Variants in PROSER1 observed in about 807,000 individuals in gnomAD.
The protein encoded by PROSER1 is proline and serine rich 1, also known as proline and serine-rich protein 1.
PROSER1 carries 36 observed loss-of-function variants against 71.8 expected under a neutral mutation model. The observed-to-expected ratio is 0.50, with a 90% CI of 0.38 to 0.66. The LOEUF is 0.66. PROSER1 is among the 30% of genes least tolerant of loss of function. The probability of loss-of-function intolerance (pLI) is 0.00; values close to 1 mark genes in which losing one functional copy is unlikely to be tolerated. For missense variants in PROSER1, 1,107 were observed against 1,135.0 expected (o/e 0.98, Z 0.35); for synonymous variants, 490 against 452.4 (o/e 1.08, Z -1.06).
chr13:39,014,080 C>T lies in PROSER1; in HGVS notation c.1172G>A (p.Gly391Asp), dbSNP rs750497100. ...TPGPTPRSTL[G>D]SSEAFASTSA... ...AGTAGAAGCAAATGCTTCACTGGAA[C>T]CAAGAGTGGACCGTGGTGTAGGTCC... The change falls in exon 11 of 13, where the codon GGT becomes GAT. Residue 391 changes from glycine to aspartate, a missense_variant. Transcript: ENST00000352251. 4 of 1,614,006 alleles carry T rather than the reference C, an allele frequency of 2.5e-6. No homozygotes were observed. In the Admixed American group the frequency reaches 6.7e-5, roughly 27 times the overall value.
At position 39,011,936 on chromosome 13, in the gene PROSER1, GAAGT is replaced by G. The variant is rs1869679731; in HGVS notation, c.2712+143_2712+146del. ...CAAGCAAAATTTGCAAATTTGGAGA[GAAGT>G]AATCATCATCAAATCTCTATGCATT... On this transcript the variant is annotated intron_variant, in intron 12 of 12. Coordinates refer to ENST00000352251, the MANE Select transcript of PROSER1 (RefSeq NM_025138.5). The G allele has an allele frequency of 4.8e-6, 4 of 836,496 alleles. No individual in the cohort carries two copies. In the South Asian group the frequency reaches 5.9e-5, roughly 12 times the overall value. The allele number at this position is 836,496 out of a possible 1,614,324, so 51.8% of individuals were successfully genotyped here.
intron 2 of PROSER1, among the ~76,000 whole-genome samples, chr13:39,032,570 A>G (rs1358505710): frequency 2.0e-5 from 3 of 152,192 alleles, no homozygotes; most frequent in African/African-American, 7.2e-5. Context: ...GTATGTAAAG[A>G]GAGTAAAAAT....
intron 6 of PROSER1, 94 bp from the exon 7 acceptor site, chr13:39,024,650 A>G: frequency 1.1e-6 from 1 of 877,796 alleles, no homozygotes; most frequent in South Asian, 1.6e-5. Flanking sequence ...CACTGAAGAA[A>G]AGGACTTGGT....
In PROSER1 at chr13:39,012,521, A is replaced by G. The variant is rs1869713641; in HGVS notation, c.2561+170T>C. 9.2e-6 allele frequency: 6 copies of G among 654,790 alleles called. No homozygotes were observed. The East Asian group carries it at 1.7e-4, about 18-fold the overall frequency. The allele number at this position is 654,790 out of a possible 1,614,324, so 40.6% of individuals were successfully genotyped here. A position where few individuals can be genotyped will look rare whatever the true frequency, so the allele number is the denominator to read the frequency against. On this transcript the variant is annotated intron_variant, in intron 11 of 12. Transcript: ENST00000352251. Reference sequence around the variant, plus strand: ...AAACATTGTATCAACAGGCATTAATATTTTATACATTTATCTTAACATGGT... The same window carrying G: ...AAACATTGTATCAACAGGCATTAATGTTTTATACATTTATCTTAACATGGT...
intron 3 of PROSER1, among the ~76,000 whole-genome samples, chr13:39,030,580 C>G (rs911821573): frequency 6.6e-6 from 1 of 152,094 alleles, no homozygotes; most frequent in South Asian, 2.1e-4. Flanking sequence ...TACCACCACA[C>G]CCAGCTAATT....
At chr13:39,016,482 C>A (rs1269948450) in intron 10 of PROSER1, among the ~76,000 whole-genome samples, 4 of 152,050 alleles carry the variant, frequency 2.6e-5, no homozygotes, top group African/African-American at 9.7e-5. Context: ...TAATACAGTT[C>A]CAAAAGGAAA....
intron 2 of PROSER1, among the ~76,000 whole-genome samples, chr13:39,033,112 G>A (rs1367070502): frequency 1.3e-5 from 2 of 152,220 alleles, no homozygotes; most frequent in East Asian, 1.9e-4. Context: ...TAGAGATGGG[G>A]TTTTGCCATG....
At position 39,013,158 on chromosome 13, in the gene PROSER1, A is replaced by C; in HGVS notation, c.2094T>G (p.Pro698=). ...AATTGTTGGTCAAAGAAGTAAAAGAAGGAAGAGCAGTGAATACTGGTGCAA... is the reference window on the plus strand; with the variant it reads ...AATTGTTGGTCAAAGAAGTAAAAGACGGAAGAGCAGTGAATACTGGTGCAA... ...TPIAPVFTAL[P]SFTSLTNNFP... is the part of the protein sequence containing the mutation. Residue 698 remains proline, a synonymous_variant, in exon 11 of 13, where the codon CCT becomes CCG. Coordinates refer to ENST00000352251, the MANE Select transcript of PROSER1 (RefSeq NM_025138.5). The C allele has an allele frequency of 1.9e-6, 3 of 1,614,156 alleles. No individual in the cohort carries two copies. Among genetic ancestry groups the C allele is most frequent in the Non-Finnish European group, 2.5e-6 (3 of 1,179,992 alleles).
Position 39,014,215 on chromosome 13 carries a change from G to C in PROSER1, c.1037C>G (p.Pro346Arg). The C allele has an allele frequency of 6.2e-7, 1 of 1,614,174 alleles. No individual in the cohort carries two copies. Among genetic ancestry groups the C allele is most frequent in the South Asian group, 1.1e-5 (1 of 91,088 alleles). The change falls in exon 11 of 13, where the codon CCT (proline) becomes CGT (arginine). Residue 346 changes from proline to arginine, a missense_variant. Transcript: ENST00000352251. The part of the protein sequence containing the change: ...VIRTPSLPTA[P>R]VTSIHSTTTT... ...GGTTGTACTGTGGATGGATGTAACA[G>C]GTGCAGTGGGCAATGAAGGGGTTCT... is the stretch of plus-strand genomic sequence containing the variant.
intron 1 of PROSER1, 95 bp from the exon 2 acceptor site, chr13:39,034,291 C>G (rs1325288721): frequency 1.1e-5 from 10 of 918,628 alleles, no homozygotes; most frequent in Non-Finnish European, 1.6e-5. Context: ...CCAAGCAACT[C>G]AACAGTGGCA....
rs991276499 is a variant in PROSER1, at chr13:39,014,386, A to T, written c.866T>A (p.Val289Asp). The change falls in exon 11 of 13, where the codon GTC becomes GAC. Residue 289 changes from valine to aspartate, a missense_variant. Physicochemically the swap from Val to Asp is radical, Grantham distance 152. Transcript: ENST00000352251. ...AATPVPTASP[V>D]KAINHPSASA... Reference sequence around the variant, plus strand: ...TGCTGATGGATGATTAATTGCCTTGACTGGGGATGCAGTAGGAACAGGAGT... The same window carrying T: ...TGCTGATGGATGATTAATTGCCTTGTCTGGGGATGCAGTAGGAACAGGAGT... The T allele has an allele frequency of 3.1e-6, 5 of 1,613,948 alleles. No individual in the cohort carries two copies. Among genetic ancestry groups the T allele is most frequent in the Non-Finnish European group, 3.4e-6 (4 of 1,180,026 alleles).
intron 5 of PROSER1, among the ~76,000 whole-genome samples, chr13:39,027,781 A>G (rs1162315216): frequency 1.3e-5 from 2 of 152,164 alleles, no homozygotes; most frequent in Non-Finnish European, 2.9e-5. Context: ...GACAAGTACT[A>G]TTTCTCCCAT....
In PROSER1 at chr13:39,010,601, C is replaced by A. The variant is rs1869596088; in HGVS notation, c.*764G>T. On this transcript the variant is annotated 3_prime_UTR_variant, in exon 13 of 13. Transcript: ENST00000352251. ...GGAGCTTCCATAGTACAGTAAGTAACAGAGGTGGCCCAAGAGTCAGTCAAG... is the reference window on the plus strand; with the variant it reads ...GGAGCTTCCATAGTACAGTAAGTAAAAGAGGTGGCCCAAGAGTCAGTCAAG... The A allele has an allele frequency of 6.6e-6, 1 of 152,596 alleles. No individual in the cohort carries two copies. Among genetic ancestry groups the A allele is most frequent in the Admixed American group, 6.5e-5 (1 of 15,274 alleles). The allele number at this position is 152,596 out of a possible 1,614,324, so 9.5% of individuals were successfully genotyped here.
rs765346393 is a variant in PROSER1, at chr13:39,031,713, C to T, written c.112-82G>A. 5.0e-5 allele frequency: 64 copies of T among 1,272,358 alleles called. 1 individual carries two copies. The East Asian group carries it at 1.1e-3, about 22-fold the overall frequency. 78.8% of individuals were successfully genotyped at this position (1,272,358 alleles called of 1,614,324 possible). ...GATTTCAGTACTTGAAATTATAATT[C>T]GACACGTGCAGCCCAGGCCCAGGTG... On this transcript the variant is annotated intron_variant, in intron 2 of 12. Coordinates refer to ENST00000352251, the MANE Select transcript of PROSER1 (RefSeq NM_025138.5).
intron 10 of PROSER1, among the ~76,000 whole-genome samples, chr13:39,017,203 A>AC (rs1183674857): frequency 1.3e-5 from 2 of 152,252 alleles, no homozygotes; most frequent in Non-Finnish European, 2.9e-5. Context: ...TTCCAGTATC[A>AC]CAGAATGTAA....
chr13:39,012,518 A>C, intron 11 of PROSER1, 173 bp downstream of exon 11: 1 of 650,280 alleles, frequency 1.5e-6, no homozygotes, highest in East Asian at 2.8e-5. Flanking sequence ...AACAGGCATT[A>C]ATATTTTATA....
chr13:39,011,480 G>C lies in PROSER1; in HGVS notation c.2720C>G (p.Ser907Ter). The C allele has an allele frequency of 6.2e-7, 1 of 1,613,944 alleles. No homozygotes were observed. Residue 907 changes from serine to a stop codon, truncating the protein, a stop_gained, in exon 13 of 13, where the codon TCA (serine) becomes TGA (stop). Coordinates refer to ENST00000352251, the MANE Select transcript of PROSER1 (RefSeq NM_025138.5). LOFTEE classifies it high-confidence loss of function. ...AQSALLQQVH[S>*]ASALESYPAQ... ...TGGATAGCTTTCCAGAGCCGAAGCT[G>C]AATGGACCTGATGGAAAGAAGAGCG...
At position 39,011,452 on chromosome 13, in the gene PROSER1, A is replaced by C. The variant is rs1362954590; in HGVS notation, c.2748T>G (p.Ala916=). ...GATAACTAGGAAACCCATCAGGCTG[A>C]GCTGGATAGCTTTCCAGAGCCGAAG... The part of the protein sequence containing the change: ...HSASALESYP[A]QPDGFPSYPS... Residue 916 remains alanine (A), a synonymous_variant, in exon 13 of 13, where the codon GCT becomes GCG. Coordinates refer to ENST00000352251, the MANE Select transcript of PROSER1 (RefSeq NM_025138.5). 6.2e-7 allele frequency: 1 copy of C among 1,614,134 alleles called. No homozygotes were observed. Among genetic ancestry groups the C allele is most frequent in the Non-Finnish European group, 8.5e-7 (1 of 1,179,988 alleles).
Position 39,012,711 on chromosome 13 carries a change from G to T in PROSER1, c.2541C>A (p.Ser847=), listed in dbSNP as rs781087523. 6.3e-7 allele frequency: 1 copy of T among 1,589,686 alleles called. No homozygotes were observed. The highest frequency in any genetic ancestry group is 8.6e-7 in the Non-Finnish European group (1 of 1,168,278). The change falls in exon 11 of 13, where the codon TCC becomes TCA. Residue 847 remains serine, a synonymous_variant. Transcript: ENST00000352251. ...CATACCCGGCTTGTGCAACAAGAGC[G>T]GAGTTGAAATTGGAACTGAATGCTG... ...FASAFSSNFN[S]ALVAQAGLSS...
Sources: allele counts gnomAD v4.1 joint callset (sites outside exome capture counted in the v4.1 genomes callset), GRCh38; gene constraint gnomAD v4.1.1; transcripts MANE v1.5; gene names NCBI Gene and HGNC (gene_info 2026-07-23, HGNC 2026-07-21).